The following SUOX variants were observed in gnomAD, a reference collection of about 807,000 sequenced individuals.
The protein encoded by SUOX is sulfite oxidase, mitochondrial.
SUOX carries 39 observed loss-of-function variants against 41.9 expected under a neutral mutation model. That is an observed-to-expected ratio of 0.93 (90% CI 0.72 to 1.21). The LOEUF is 1.21. Ranked by LOEUF, SUOX falls within the 50% of genes most tolerant of loss-of-function variation. SUOX has a pLI of 0.00. For synonymous variants in SUOX, 220 were observed against 268.4 expected, an observed-to-expected ratio of 0.82 and a Z score of 1.76; for missense variants, 633 against 689.5, an observed-to-expected ratio of 0.92 and a Z score of 0.92.
intron 2 of SUOX, among the ~76,000 whole-genome samples, chr12:56,000,529 C>T (rs1890478394): frequency 6.6e-6 from 1 of 152,214 alleles, no homozygotes; most frequent in Non-Finnish European, 1.5e-5. Context: ...ACCTCTCCCT[C>T]CACACCTCCC....
At chr12:55,998,859 C>T (rs533331047) in intron 2 of SUOX, among the ~76,000 whole-genome samples, 5 of 150,938 alleles carry the variant, frequency 3.3e-5, no homozygotes, top group Non-Finnish European at 4.4e-5. Flanking sequence ...AGTACGGTGG[C>T]GCCATCATAA....
In SUOX at chr12:56,003,679, A is replaced by C. The variant is rs565049506; in HGVS notation, c.290A>C (p.Glu97Ala). 1.9e-6 allele frequency: 3 copies of C among 1,613,868 alleles called. No homozygotes were observed. The highest frequency in any genetic ancestry group is 2.7e-5 in the African/African-American group (2 of 75,048). Residue 97 changes from glutamate (E) to alanine (A), a missense_variant, in exon 5 of 5, where the codon GAG (glutamate) becomes GCG (alanine). Coordinates refer to ENST00000266971, the MANE Select transcript of SUOX (RefSeq NM_001032386.2). ...KEEVSSHTSP[E>A]TGIWVTLGSE... The stretch of plus-strand genomic sequence containing the variant: ...GAAGTGAGTTCCCACACCAGCCCTG[A>C]GACTGGGATCTGGGTGACTCTGGGC...
At chr12:55,998,664 G>A (rs1289644652) in intron 2 of SUOX, among the ~76,000 whole-genome samples, 3 of 151,408 alleles carry the variant, frequency 2.0e-5, no homozygotes, top group Non-Finnish European at 4.4e-5. Context: ...AGACTCCCAT[G>A]TCTACAGAAA....
intron 4 of SUOX, chr12:56,003,099 T>G (rs549970341): frequency 6.6e-6 from 2 of 301,104 alleles, no homozygotes; most frequent in African/African-American, 4.3e-5. Flanking sequence ...CAACCCAGGC[T>G]GTGACCCATG....
In SUOX at chr12:56,003,639, A is replaced by G. The variant is rs776955991; in HGVS notation, c.250A>G (p.Ile84Val). 3.5e-5 allele frequency: 57 copies of G among 1,613,996 alleles called. No individual in the cohort carries two copies. The highest frequency in any genetic ancestry group is 6.7e-5 in the African/African-American group (5 of 74,896). ...ATAGGCTGCTCAGGAGTCAACACAC[A>G]TATACACTAAGGAGGAAGTGAGTTC... Reference protein sequence around the residue: ...RCRAAQESTHIYTKEEVSSHT... With the variant: ...RCRAAQESTHVYTKEEVSSHT... Residue 84 changes from isoleucine (I) to valine (V), a missense_variant, in exon 5 of 5, where the codon ATA (isoleucine) becomes GTA (valine). Physicochemically the swap from Ile to Val is conservative, Grantham distance 29 (BLOSUM62 3). Coordinates refer to ENST00000266971, the MANE Select transcript of SUOX (RefSeq NM_001032386.2).
rs1312572835 is a variant in SUOX, at chr12:56,004,646, C to T, written c.1257C>T (p.Ser419=). The T allele has an allele frequency of 1.9e-6, 3 of 1,613,820 alleles. No individual in the cohort carries two copies. In the African/African-American group the frequency reaches 4.0e-5, roughly 22 times the overall value. The change falls in exon 5 of 5, where the codon TCC becomes TCT. Residue 419 remains serine, a synonymous_variant. Transcript: ENST00000266971. The surrounding 1 kb of genome is among the most constrained non-coding windows in gnomAD (Gnocchi z 4.5). ...CTGTAGATTTTGACTCTGCTCCATC[C>T]ATTCAGGAACTTCCTGTCCAGTCGG... The part of the protein sequence containing the change: ...WETVDFDSAP[S]IQELPVQSAI...
At chr12:56,000,451 C>T (rs2136506664) in intron 2 of SUOX, among the ~76,000 whole-genome samples, 1 of 152,332 alleles carries the variant, frequency 6.6e-6, no homozygotes, top group South Asian at 2.1e-4. Flanking sequence ...CGGGGCCTGC[C>T]AAGCCCACGC....
rs1890575637 is a variant in SUOX, at chr12:56,002,633, T to C, written c.141T>C (p.Gly47=). Residue 47 remains glycine (G), a synonymous_variant, in exon 4 of 5, where the codon GGT becomes GGC. Transcript: ENST00000266971. Reference sequence around the variant, plus strand: ...AGCGCCCCAGCCTCACCTTCTCTGGTGATAACTCCAGCACCCAGGGATGGA... The same window carrying C: ...AGCGCCCCAGCCTCACCTTCTCTGGCGATAACTCCAGCACCCAGGGATGGA... ...QPQRPSLTFS[G]DNSSTQGWRV... is the part of the protein sequence containing the mutation. The C allele has an allele frequency of 6.2e-7, 1 of 1,613,882 alleles. No homozygotes were observed. Among genetic ancestry groups the C allele is most frequent in the Admixed American group, 1.7e-5 (1 of 59,960 alleles).
rs766949012 is a variant in SUOX, at chr12:56,004,974, C to T, written c.1585C>T (p.Arg529Ter). The T allele has an allele frequency of 1.2e-6, 2 of 1,614,108 alleles. No homozygotes were observed. Among genetic ancestry groups the T allele is most frequent in the African/African-American group, 1.3e-5 (1 of 75,048 alleles). The change falls in exon 5 of 5, where the codon CGA becomes TGA. Residue 529 changes from arginine to a stop codon, truncating the protein, a stop_gained. Transcript: ENST00000266971. LOFTEE classifies it high-confidence loss of function. The surrounding 1 kb of genome is among the most constrained non-coding windows in gnomAD (Gnocchi z 4.5). ...PDTVAPIWNL[R>*]GVLSNAWHRV... The stretch of plus-strand genomic sequence containing the variant: ...CACCGTGGCCCCAATCTGGAACCTG[C>T]GAGGTGTTCTCAGCAATGCCTGGCA...
At chr12:56,003,566 A>T (rs951511005) in intron 4 of SUOX, 52 bp from the exon 5 acceptor site, 16 of 1,581,808 alleles carry the variant, frequency 1.0e-5, no homozygotes, top group Middle Eastern at 1.7e-4. Flanking sequence ...CGACCAAGTG[A>T]TTTCTTCTTA....
chr12:56,002,657 G>A lies in SUOX; in HGVS notation c.165G>A (p.Trp55Ter). 6.2e-7 allele frequency: 1 copy of A among 1,614,038 alleles called. No individual in the cohort carries two copies. The highest frequency in any genetic ancestry group is 8.5e-7 in the Non-Finnish European group (1 of 1,180,002). The stretch of plus-strand genomic sequence containing the variant: ...GTGATAACTCCAGCACCCAGGGATG[G>A]AGAGTCATGGGGACCCTATTAGGTC... ...FSGDNSSTQGWRVMGTLLGLG... is the reference protein window; with the variant it reads ...FSGDNSSTQG The change falls in exon 4 of 5, where the codon TGG becomes TGA. Residue 55 changes from tryptophan to a stop codon, truncating the protein, a stop_gained. Transcript: ENST00000266971. LOFTEE classifies it high-confidence loss of function.
Position 56,004,019 on chromosome 12 carries a change from C to T in SUOX, c.630C>T (p.Pro210=), listed in dbSNP as rs750007191. 2 of 1,614,164 alleles carry T rather than the reference C, an allele frequency of 1.2e-6. No homozygotes were observed. Among genetic ancestry groups the T allele is most frequent in the Non-Finnish European group, 8.5e-7 (1 of 1,180,020 alleles). ...PELLTENYIT[P]NPIFFTRNHL... is the part of the protein sequence containing the mutation. The stretch of plus-strand genomic sequence containing the variant: ...TGCTGACAGAAAACTACATCACACC[C>T]AACCCTATCTTCTTCACCCGGAACC... Residue 210 remains proline (P), a synonymous_variant, in exon 5 of 5, where the codon CCC becomes CCT. Coordinates refer to ENST00000266971, the MANE Select transcript of SUOX (RefSeq NM_001032386.2). The surrounding 1 kb of genome is among the most constrained non-coding windows in gnomAD (Gnocchi z 4.5).
intron 4 of SUOX, chr12:56,002,991 C>A: frequency 2.8e-6 from 1 of 356,722 alleles, no homozygotes; most frequent in Non-Finnish European, 5.3e-6. Context: ...CAAGATCAGG[C>A]CACTGCTCTC....
In SUOX at chr12:56,004,761, A is replaced by C. The variant is rs1890681485; in HGVS notation, c.1372A>C (p.Ile458Leu). The C allele has an allele frequency of 1.2e-6, 2 of 1,613,982 alleles. No homozygotes were observed. Among genetic ancestry groups the C allele is most frequent in the South Asian group, 2.2e-5 (2 of 91,090 alleles). Residue 458 changes from isoleucine (I) to leucine (L), a missense_variant, in exon 5 of 5, where the codon ATC (isoleucine) becomes CTC (leucine). Physicochemically the swap from Ile to Leu is conservative, Grantham distance 5. Transcript: ENST00000266971. This position sits in a 1 kb window ranked among gnomAD's most constrained non-coding sequence, Gnocchi z 4.5. Reference sequence around the variant, plus strand: ...ATGGAGTGGTGGTGGCAGGGCTGTGATCCGGGTGGATGTGTCTCTGGATGG... The same window carrying C: ...ATGGAGTGGTGGTGGCAGGGCTGTGCTCCGGGTGGATGTGTCTCTGGATGG... The part of the protein sequence containing the change: ...YAWSGGGRAV[I>L]RVDVSLDGGL...
In SUOX at chr12:56,005,195, A is replaced by G; in HGVS notation, c.*168A>G. ...CAAGGACCTTCCCTCTTTGGACACT[A>G]TGTTACATACCCCTCTTGGCCTTTG... On this transcript the variant is annotated 3_prime_UTR_variant, in exon 5 of 5. Transcript: ENST00000266971. 4.1e-6 allele frequency: 3 copies of G among 740,348 alleles called. No individual in the cohort carries two copies. The South Asian group carries it at 4.8e-5, about 12-fold the overall frequency. The allele number at this position is 740,348 out of a possible 1,614,324, so 45.9% of individuals were successfully genotyped here. A position where few individuals can be genotyped will look rare whatever the true frequency, so the allele number is the denominator to read the frequency against.
chr12:55,997,654 C>T lies in SUOX; in HGVS notation c.-80C>T, dbSNP rs2136503235. On this transcript the variant is annotated 5_prime_UTR_variant, in exon 2 of 5. Coordinates refer to ENST00000266971, the MANE Select transcript of SUOX (RefSeq NM_001032386.2). The stretch of plus-strand genomic sequence containing the variant: ...TCCCAAACCTGGGATTCTGGGCTCA[C>T]TGAGTTCACCTGCGAGTCAGCCCTA... 1 of 152,424 alleles carries T rather than the reference C, an allele frequency of 6.6e-6. No individual in the cohort carries two copies. Among genetic ancestry groups the T allele is most frequent in the South Asian group, 2.1e-4 (1 of 4,826 alleles). The allele number at this position is 152,424 out of a possible 1,614,324, so 9.4% of individuals were successfully genotyped here. A position where few individuals can be genotyped will look rare whatever the true frequency, so the allele number is the denominator to read the frequency against.
chr12:56,000,297 G>A (rs933918455), intron 2 of SUOX, among the ~76,000 whole-genome samples: 1 of 152,264 alleles, frequency 6.6e-6, no homozygotes, highest in African/African-American at 2.4e-5. Context: ...CCGCGGGGAG[G>A]CAGCTAAGGC....
In SUOX at chr12:56,000,769, T is replaced by G. The variant is rs987014526; in HGVS notation, c.-10-1443T>G. Among the ~76,000 whole-genome samples the G allele has an allele frequency of 4.6e-5, 7 of 152,108 alleles. No homozygotes were observed. The East Asian group carries it at 1.3e-3, about 29-fold the overall frequency. On this transcript the variant is annotated intron_variant, in intron 2 of 4. Transcript: ENST00000266971. ...TTTTATTACAGTATAATGTTATAAT[T>G]TTTTTCTTTTTCTTTGTTTTTTTTT...
At chr12:56,000,362 A>G (rs1890470445) in intron 2 of SUOX, among the ~76,000 whole-genome samples, 1 of 152,200 alleles carries the variant, frequency 6.6e-6, no homozygotes, top group African/African-American at 2.4e-5. Flanking sequence ...GGGACCCAGT[A>G]CACCCTCCGC....
Sources: allele counts gnomAD v4.1 joint callset (sites outside exome capture counted in the v4.1 genomes callset), GRCh38; gene constraint gnomAD v4.1.1; non-coding constraint Gnocchi (gnomAD v3.1); transcripts MANE v1.5; gene names NCBI Gene and HGNC (gene_info 2026-07-23, HGNC 2026-07-21).